AFF1: variants seen among roughly 807,000 people sequenced by gnomAD.
AFF1 encodes AF4/FMR2 family member 1.
AFF1 carries 48 observed loss-of-function variants against 121.7 expected under a neutral mutation model. The ratio of observed to expected loss-of-function variants is 0.39; its 90% CI spans 0.31 to 0.50. The LOEUF is 0.50. AFF1 is among the 20% of genes least tolerant of loss of function. The pLI is 0.76. For missense variants in AFF1, 1,523 were observed against 1,511.7 expected, an observed-to-expected ratio of 1.01 and a Z score of -0.12; for synonymous variants, 613 against 563.0, an observed-to-expected ratio of 1.09 and a Z score of -1.26.
intron 4 of AFF1, among the ~76,000 whole-genome samples, chr4:87,067,262 T>C (rs1721450607): frequency 6.6e-6 from 1 of 152,236 alleles, no homozygotes. Context: ...ACAGGCACTG[T>C]GTTTAAGCCG....
At chr4:86,938,485 G>A (rs1376006485) in intron 1 of AFF1, among the ~76,000 whole-genome samples, 2 of 150,162 alleles carry the variant, frequency 1.3e-5, no homozygotes, top group African/African-American at 2.4e-5. Flanking sequence ...AAAAAAGTAA[G>A]TGTATTTACC....
intron 8 of AFF1, among the ~76,000 whole-genome samples, chr4:87,101,955 A>G (rs1360847749): frequency 6.6e-6 from 1 of 152,266 alleles, no homozygotes; most frequent in African/African-American, 2.4e-5. Flanking sequence ...TAAGAAATGG[A>G]AAATAAATGG....
chr4:87,129,643 G>C (rs1415385570), intron 16 of AFF1, among the ~76,000 whole-genome samples: 2 of 152,192 alleles, frequency 1.3e-5, no homozygotes, highest in Non-Finnish European at 2.9e-5. Context: ...TCACTAATCT[G>C]AGCCTCGGTT....
At chr4:86,993,117 CCTAA>C (rs1412433799) in intron 2 of AFF1, among the ~76,000 whole-genome samples, 2 of 152,154 alleles carry the variant, frequency 1.3e-5, no homozygotes, top group East Asian at 3.9e-4. Context: ...ATAAAACTCC[CCTAA>C]CTTTTTGGAA....
chr4:86,964,357 C>T (rs1172158962), intron 2 of AFF1, among the ~76,000 whole-genome samples: 3 of 151,414 alleles, frequency 2.0e-5, no homozygotes, highest in African/African-American at 7.3e-5. Context: ...CCTCATGATC[C>T]GCCTGCCTTG....
chr4:86,960,079 T>C (rs2149466111), intron 2 of AFF1, among the ~76,000 whole-genome samples: 1 of 152,314 alleles, frequency 6.6e-6, no homozygotes, highest in East Asian at 1.9e-4. Context: ...TCATTACTTG[T>C]AAACAAAGCT....
At chr4:86,945,904 A>G (rs1022116012) in intron 1 of AFF1, among the ~76,000 whole-genome samples, 7 of 152,170 alleles carry the variant, frequency 4.6e-5, no homozygotes, top group African/African-American at 1.7e-4. Context: ...CCAGAAAGCT[A>G]CTATTAACAG....
chr4:86,952,163 T>C (rs910799489), intron 2 of AFF1, among the ~76,000 whole-genome samples: 1 of 152,178 alleles, frequency 6.6e-6, no homozygotes, highest in African/African-American at 2.4e-5. Context: ...TTTTAGAATT[T>C]TCATAGCTAT....
intron 2 of AFF1, chr4:87,007,153 G>A (rs894278303): frequency 5.2e-5 from 68 of 1,311,334 alleles, no homozygotes; most frequent in Non-Finnish European, 6.2e-5. Context: ...CCCCGGGCTC[G>A]TCTGAAGTGC....
Position 87,139,344 on chromosome 4 carries a change from TTTTTGTTTTG to T in AFF1, c.*3663_*3672del, listed in dbSNP as rs919201887. The T allele has an allele frequency of 1.3e-4, 30 of 233,246 alleles. No homozygotes were observed. The highest frequency in any genetic ancestry group is 1.3e-3 in the Middle Eastern group (1 of 782). 14.4% of individuals were successfully genotyped at this position (233,246 alleles called of 1,614,324 possible). A position where few individuals can be genotyped will look rare whatever the true frequency, so the allele number is the denominator to read the frequency against. ...AGGCTGGGCTTTCGGGTTTTTTTGTTTTTTGTTTTGTTTTGTTTTGTTTTGTTTTCTTGTA... is the reference window on the plus strand; with the variant it reads ...AGGCTGGGCTTTCGGGTTTTTTTGTTTTTTGTTTTGTTTTGTTTTCTTGTA... On this transcript the variant is annotated 3_prime_UTR_variant, in exon 21 of 21. Coordinates refer to ENST00000395146, the MANE Select transcript of AFF1 (RefSeq NM_001166693.3).
chr4:87,008,081 A>G (rs1376365225), intron 2 of AFF1, among the ~76,000 whole-genome samples: 1 of 152,190 alleles, frequency 6.6e-6, no homozygotes, highest in Non-Finnish European at 1.5e-5. Flanking sequence ...ATGAGCGTTG[A>G]AGAAGAGTGA....
At chr4:87,024,644 G>A (rs1238682225) in intron 2 of AFF1, among the ~76,000 whole-genome samples, 4 of 152,170 alleles carry the variant, frequency 2.6e-5, no homozygotes, top group Admixed American at 6.5e-5. Flanking sequence ...CGAGGCTGGA[G>A]TACAGTGGCG....
intron 4 of AFF1, among the ~76,000 whole-genome samples, chr4:87,063,325 C>T (rs1343060742): frequency 8.3e-5 from 12 of 143,834 alleles, no homozygotes; most frequent in Non-Finnish European, 4.5e-5. Flanking sequence ...CTGCAACCTC[C>T]ACCTCCCAGG....
chr4:87,059,776 C>T (rs532974222), intron 4 of AFF1, among the ~76,000 whole-genome samples: 13 of 152,294 alleles, frequency 8.5e-5, no homozygotes, highest in South Asian at 6.2e-4. Context: ...CTGTGCACCC[C>T]GCTGCCCAGG....
At chr4:87,117,174 G>A (rs1727211769) in intron 12 of AFF1, among the ~76,000 whole-genome samples, 2 of 152,344 alleles carry the variant, frequency 1.3e-5, no homozygotes, top group South Asian at 4.1e-4. Context: ...TGTGGCTCTA[G>A]AAAGGGAAAC....
intron 1 of AFF1, among the ~76,000 whole-genome samples, chr4:86,944,247 A>G (rs886520912): frequency 2.0e-5 from 3 of 152,014 alleles, no homozygotes; most frequent in Non-Finnish European, 4.4e-5. Context: ...CATTTATTGA[A>G]TGTTTACCAT....
chr4:86,988,106 A>G (rs1254493032), intron 2 of AFF1, among the ~76,000 whole-genome samples: 1 of 152,016 alleles, frequency 6.6e-6, no homozygotes, highest in African/African-American at 2.4e-5. Flanking sequence ...CATTTATACA[A>G]TGTGTAATGA....
chr4:87,138,236 C>A lies in AFF1; in HGVS notation c.*2535C>A, dbSNP rs748776633. 1.3e-4 allele frequency: 31 copies of A among 232,466 alleles called. No homozygotes were observed. The highest frequency in any genetic ancestry group is 2.2e-4 in the Non-Finnish European group (26 of 117,670). The allele number at this position is 232,466 out of a possible 1,614,324, so 14.4% of individuals were successfully genotyped here. ...GATGAATCCTTAACGTTCATAGGGT[C>A]TTTTTGCTGTTACGGTTGTATATAG... is the stretch of plus-strand genomic sequence containing the variant. On this transcript the variant is annotated 3_prime_UTR_variant, in exon 21 of 21. Coordinates refer to ENST00000395146, the MANE Select transcript of AFF1 (RefSeq NM_001166693.3).
chr4:87,024,840 C>G (rs369231289), intron 2 of AFF1, among the ~76,000 whole-genome samples: 1 of 152,180 alleles, frequency 6.6e-6, no homozygotes, highest in Non-Finnish European at 1.5e-5. Flanking sequence ...GTGATCCACC[C>G]GCCTCGGCCT....
Sources: gnomAD v4.1 joint callset for allele counts (sites outside exome capture counted in the v4.1 genomes callset) on GRCh38, gnomAD v4.1.1 for gene constraint, MANE v1.5 for transcripts, NCBI Gene and HGNC (gene_info 2026-07-23, HGNC 2026-07-21) for gene names.